Variants in CHRNA7 observed in about 807,000 individuals in gnomAD.
The protein encoded by CHRNA7 is neuronal acetylcholine receptor subunit alpha-7.
CHRNA7 carries 17 observed loss-of-function variants against 48.0 expected under a neutral mutation model. The ratio of observed to expected loss-of-function variants is 0.35; its 90% CI spans 0.24 to 0.53. The LOEUF is 0.53. CHRNA7 is among the 20% of genes least tolerant of loss of function. CHRNA7 has a pLI of 0.92. For missense variants in CHRNA7, 155 were observed against 577.7 expected (o/e 0.27, Z 7.50); for synonymous variants, 75 against 242.3 (o/e 0.31, Z 6.41).
intron 4 of CHRNA7, among the ~76,000 whole-genome samples, chr15:32,151,402 G>A (rs1218315760): frequency 6.6e-6 from 1 of 152,110 alleles, no homozygotes; most frequent in Admixed American, 6.5e-5. Context: ...AGCTGACCAA[G>A]GAAATATATG....
At chr15:32,070,669 CTTTTTTTTTTTTT>C (rs71113441) in intron 2 of CHRNA7, among the ~76,000 whole-genome samples, 14 of 40,890 alleles carry the variant, frequency 3.4e-4, no homozygotes, top group South Asian at 2.6e-3. Flanking sequence ...GGTTTAGTTC[CTTTTTTTTTTTTT>C]TTTTTTTTTT....
chr15:32,070,273 C>T (rs1416923046), intron 2 of CHRNA7, among the ~76,000 whole-genome samples: 2 of 151,996 alleles, frequency 1.3e-5, no homozygotes, highest in Non-Finnish European at 2.9e-5. Context: ...TTCCTCTAAC[C>T]TCCAGGCAAC....
chr15:32,103,701 G>A (rs1483859745), intron 3 of CHRNA7, among the ~76,000 whole-genome samples: 2 of 152,200 alleles, frequency 1.3e-5, no homozygotes, highest in African/African-American at 4.8e-5. Flanking sequence ...CCTGCTGAGA[G>A]CCTGGCATTA....
intron 2 of CHRNA7, among the ~76,000 whole-genome samples, chr15:32,055,957 T>C (rs989079819): frequency 6.6e-6 from 1 of 151,630 alleles, no homozygotes; most frequent in Non-Finnish European, 1.5e-5. Context: ...CCAGCCTGGG[T>C]GACAGAGCGA....
intron 4 of CHRNA7, among the ~76,000 whole-genome samples, chr15:32,142,586 C>T (rs2051403786): frequency 6.6e-6 from 1 of 152,162 alleles, no homozygotes. Context: ...ATTATTGCCT[C>T]AATTTCAGAA....
At chr15:32,065,100 C>G (rs2049942964) in intron 2 of CHRNA7, among the ~76,000 whole-genome samples, 1 of 152,078 alleles carries the variant, frequency 6.6e-6, no homozygotes, top group African/African-American at 2.4e-5. Flanking sequence ...AAGAGGAGAC[C>G]AAAAGCTAGC....
At chr15:32,106,472 C>T (rs186576498) in intron 3 of CHRNA7, among the ~76,000 whole-genome samples, 10 of 152,230 alleles carry the variant, frequency 6.6e-5, no homozygotes, top group Admixed American at 1.3e-4. Flanking sequence ...CATTCAGAAA[C>T]GTGAGGGAGG....
At chr15:32,078,702 A>T (rs1213034335) in intron 2 of CHRNA7, among the ~76,000 whole-genome samples, 1 of 151,390 alleles carries the variant, frequency 6.6e-6, no homozygotes, top group African/African-American at 2.4e-5. Context: ...ATGGATTTAT[A>T]GCTTAATTCT....
intron 2 of CHRNA7, among the ~76,000 whole-genome samples, chr15:32,050,829 G>T (rs2049657273): frequency 6.6e-6 from 1 of 152,058 alleles, no homozygotes; most frequent in Non-Finnish European, 1.5e-5. Flanking sequence ...TTTTTGGTGT[G>T]GATGTCCTGT....
At chr15:32,054,694 T>C (rs796331113) in intron 2 of CHRNA7, among the ~76,000 whole-genome samples, 3 of 152,350 alleles carry the variant, frequency 2.0e-5, no homozygotes, top group African/African-American at 7.2e-5. Flanking sequence ...GATCTGGCTT[T>C]TTTGGTTCAT....
Position 32,134,162 on chromosome 15 carries a change from GT to G in CHRNA7, c.351-19733del, listed in dbSNP as rs1184841111. Among the ~76,000 whole-genome samples the G allele has an allele frequency of 2.4e-3, 348 of 145,174 alleles. 1 individual carries two copies. The highest frequency in any genetic ancestry group is 2.8e-3 in the East Asian group (14 of 4,990). Reference sequence around the variant, plus strand: ...TGACTACATGTGGGTTTTTTTGTGTGTTTTTTTTTTTTCTGAGACTGAGTCT... The same window carrying G: ...TGACTACATGTGGGTTTTTTTGTGTGTTTTTTTTTTTCTGAGACTGAGTCT... On this transcript the variant is annotated intron_variant, in intron 4 of 9. Coordinates refer to ENST00000306901, the MANE Select transcript of CHRNA7 (RefSeq NM_000746.6).
chr15:32,060,457 T>C (rs1327513757), intron 2 of CHRNA7, among the ~76,000 whole-genome samples: 1 of 152,094 alleles, frequency 6.6e-6, no homozygotes. Flanking sequence ...AAATAACCAC[T>C]GTAAGAATAG....
At position 32,038,322 on chromosome 15, in the gene CHRNA7, C is replaced by T. The variant is rs141060469; in HGVS notation, c.195+7285C>T. Reference sequence around the variant, plus strand: ...AAGTTGAGGAAGTTCTCCCCTATTCCGTTTACTGAAAGTTTTTGTGATGAA... The same window carrying T: ...AAGTTGAGGAAGTTCTCCCCTATTCTGTTTACTGAAAGTTTTTGTGATGAA... On this transcript the variant is annotated intron_variant, in intron 2 of 9. Transcript: ENST00000306901. 2.0e-3 allele frequency among the ~76,000 whole-genome samples: 303 copies of T among 151,512 alleles called. 2 individuals carry two copies. The highest frequency in any genetic ancestry group is 6.7e-3 in the African/African-American group (278 of 41,344).
Position 32,070,780 on chromosome 15 carries a change from G to A in CHRNA7, c.196-30523G>A, listed in dbSNP as rs1035859349. ...TGGCTCACTGCAAACTCTGCCTCGC[G>A]GATTCACGCCATTCTCCTGCCTCAG... On this transcript the variant is annotated intron_variant, in intron 2 of 9. Coordinates refer to ENST00000306901, the MANE Select transcript of CHRNA7 (RefSeq NM_000746.6). 4.3e-5 allele frequency among the ~76,000 whole-genome samples: 6 copies of A among 141,100 alleles called. No individual in the cohort carries two copies. The East Asian group carries it at 1.1e-3, about 27-fold the overall frequency. 92.6% of individuals were successfully genotyped at this position (141,100 alleles called of 152,430 possible).
intron 2 of CHRNA7, among the ~76,000 whole-genome samples, chr15:32,051,163 A>G (rs1290226988): frequency 2.0e-5 from 3 of 150,400 alleles, no homozygotes; most frequent in African/African-American, 7.3e-5. Context: ...TGGGAGAACC[A>G]CTGCTCTCCT....
chr15:32,106,939 C>T (rs2050679380), intron 3 of CHRNA7, among the ~76,000 whole-genome samples: 1 of 152,138 alleles, frequency 6.6e-6, no homozygotes, highest in African/African-American at 2.4e-5. Flanking sequence ...TGCCACGCTT[C>T]CTGTTTACAG....
intron 4 of CHRNA7, among the ~76,000 whole-genome samples, chr15:32,144,401 G>T (rs1410021043): frequency 1.3e-5 from 2 of 152,126 alleles, no homozygotes; most frequent in Admixed American, 6.5e-5. Context: ...TCTTGGGGTT[G>T]CTCTTTTTGA....
chr15:32,062,439 A>G (rs946336483), intron 2 of CHRNA7, among the ~76,000 whole-genome samples: 1 of 152,034 alleles, frequency 6.6e-6, no homozygotes, highest in Non-Finnish European at 1.5e-5. Flanking sequence ...CGGTTGTTGA[A>G]TTTTTCATGT....
At chr15:32,152,945 C>A (rs1014727332) in intron 4 of CHRNA7, among the ~76,000 whole-genome samples, 1 of 152,090 alleles carries the variant, frequency 6.6e-6, no homozygotes, top group Non-Finnish European at 1.5e-5. Flanking sequence ...CAGTTGTTAA[C>A]TCCTGGCTGC....
Sources: allele counts gnomAD v4.1 joint callset (sites outside exome capture counted in the v4.1 genomes callset), GRCh38; gene constraint gnomAD v4.1.1; transcripts MANE v1.5; gene names NCBI Gene and HGNC (gene_info 2026-07-23, HGNC 2026-07-21).